Variants in AVEN observed in about 807,000 individuals in gnomAD.
AVEN encodes the protein apoptosis and caspase activation inhibitor, also known as cell death regulator Aven.
In AVEN, 41 loss-of-function variants were observed where a neutral mutation model predicts 38.1. The observed-to-expected ratio is 1.08, with a 90% CI of 0.84 to 1.40. The LOEUF (loss-of-function observed/expected upper bound fraction) is 1.40. Among genes scored for constraint, AVEN ranks in the 40% most tolerant of loss-of-function variants. The pLI is 0.00. For missense variants in AVEN, 605 were observed against 438.8 expected (o/e 1.38, Z -3.38); for synonymous variants, 206 against 171.8 (o/e 1.20, Z -1.56).
downstream of AVEN, chr15:33,865,022 A>ATAAAT: frequency 1.3e-6 from 1 of 753,502 alleles, no homozygotes. Flanking sequence ...TTGGCCTCAT[A>ATAAAT]TAAATTCACA....
At chr15:33,982,099 T>G (rs1461192643) in intron 2 of AVEN, among the ~76,000 whole-genome samples, 1 of 151,812 alleles carries the variant, frequency 6.6e-6, no homozygotes, top group East Asian at 1.9e-4. Context: ...ACTCCTGACC[T>G]CAGATGATCC....
the AVEN span, chr15:33,853,617 C>G: frequency 3.7e-6 from 6 of 1,613,804 alleles, no homozygotes; most frequent in Non-Finnish European, 5.1e-6. Context: ...TGGGTTTGGA[C>G]AAAAATGCTC....
chr15:33,937,062 C>T lies in AVEN; in HGVS notation c.446-61067G>A, dbSNP rs543998151. 9.0e-3 allele frequency among the ~76,000 whole-genome samples: 1,214 copies of T among 135,310 alleles called. 9 individuals are homozygous for T. The highest frequency in any genetic ancestry group is 0.014 in the Non-Finnish European group (941 of 65,114). The allele number at this position is 135,310 out of a possible 152,430, so 88.8% of individuals were successfully genotyped here. On this transcript the variant is annotated intron_variant, in intron 2 of 5. Transcript: ENST00000306730. ...AGGAGAATGGCGTGAACCCAGGAGG[C>T]GGTGCTTGCAGTGAGCCGAGATCGC...
intron 2 of AVEN, among the ~76,000 whole-genome samples, chr15:33,937,306 G>A (rs576238084): frequency 1.3e-5 from 2 of 151,504 alleles, no homozygotes; most frequent in African/African-American, 2.4e-5. Context: ...AGGCCGAGGC[G>A]GGCGGATCAT....
downstream of AVEN, chr15:33,866,208 C>CAAGA (rs960915132): frequency 5.6e-6 from 1 of 179,608 alleles, no homozygotes; most frequent in African/African-American, 2.4e-5. Flanking sequence ...GGGCCCCACA[C>CAAGA]AAGAAAGGAA....
intron 5 of AVEN, among the ~76,000 whole-genome samples, chr15:34,053,950 A>G (rs1193366160): frequency 6.6e-6 from 1 of 152,206 alleles, no homozygotes; most frequent in Non-Finnish European, 1.5e-5. Context: ...GCTAATATCC[A>G]GAATCTACAA....
chr15:33,875,465 A>G (rs1213782756), intron 3 of AVEN, among the ~76,000 whole-genome samples: 1 of 152,208 alleles, frequency 6.6e-6, no homozygotes, highest in Non-Finnish European at 1.5e-5. Context: ...AGACTTCTAT[A>G]ATATTTGCCC....
intron 2 of AVEN, among the ~76,000 whole-genome samples, chr15:33,892,995 G>A (rs554502059): frequency 6.6e-6 from 1 of 152,218 alleles, no homozygotes; most frequent in South Asian, 2.1e-4. Context: ...ATTGTGAATG[G>A]GAGTTCACTC....
At chr15:34,059,823 G>A (rs1900277635) in intron 5 of AVEN, among the ~76,000 whole-genome samples, 1 of 152,176 alleles carries the variant, frequency 6.6e-6, no homozygotes, top group Admixed American at 6.5e-5. Context: ...GTCCTTCACA[G>A]GTGCCCCTAT....
intron 5 of AVEN, among the ~76,000 whole-genome samples, chr15:34,047,194 C>T (rs1899731380): frequency 6.6e-6 from 1 of 151,974 alleles, no homozygotes; most frequent in Admixed American, 6.5e-5. Context: ...TCTCCTGCCT[C>T]AGCCTCCCGA....
downstream of AVEN, among the ~76,000 whole-genome samples, chr15:33,863,669 G>A (rs1032903719): frequency 6.6e-6 from 1 of 152,038 alleles, no homozygotes; most frequent in Non-Finnish European, 1.5e-5. Context: ...CAAAACTATA[G>A]TTCTGGAAGA....
chr15:33,865,820 TGTTCCAGAAGGACA>T (rs1466765719), downstream of AVEN: 6 of 152,762 alleles, frequency 3.9e-5, no homozygotes, highest in African/African-American at 1.2e-4. Context: ...TTTATGTTTG[TGTTCCAGAAGGACA>T]GTTCCATTCA....
chr15:33,921,879 G>A (rs1260651429), intron 2 of AVEN, among the ~76,000 whole-genome samples: 5 of 152,104 alleles, frequency 3.3e-5, no homozygotes, highest in African/African-American at 1.2e-4. Context: ...GAGAGATTGG[G>A]AAAAAATGGT....
downstream of AVEN, among the ~76,000 whole-genome samples, chr15:33,862,473 C>G (rs2088033552): frequency 6.6e-6 from 1 of 152,162 alleles, no homozygotes; most frequent in African/African-American, 2.4e-5. Flanking sequence ...TCCCAGAGTG[C>G]TGGGATTACG....
chr15:34,053,905 G>A (rs987693480), intron 5 of AVEN, among the ~76,000 whole-genome samples: 3 of 152,108 alleles, frequency 2.0e-5, no homozygotes, highest in East Asian at 3.9e-4. Flanking sequence ...TACAGAATGG[G>A]AGAAAAATTT....
intron 3 of AVEN, among the ~76,000 whole-genome samples, chr15:33,873,226 A>G: frequency 1.4e-5 from 2 of 148,124 alleles, no homozygotes; most frequent in East Asian, 4.1e-4. Flanking sequence ...CAGCCTCCCA[A>G]GCAGCTGGGA....
chr15:33,867,988 G>T, intron 4 of AVEN, 133 bp from the exon 5 acceptor site: 1 of 1,277,254 alleles, frequency 7.8e-7, no homozygotes, highest in South Asian at 1.6e-5. Flanking sequence ...TTCACAAAGT[G>T]GCTCCTTTCC....
chr15:34,016,941 C>T (rs910318347), intron 1 of AVEN, among the ~76,000 whole-genome samples: 4 of 152,044 alleles, frequency 2.6e-5, no homozygotes, highest in African/African-American at 9.7e-5. Flanking sequence ...TCAGCCCGGA[C>T]AACATGGCAA....
In AVEN at chr15:33,866,595, G is replaced by A. The variant is rs367811814; in HGVS notation, c.*18C>T. The A allele has an allele frequency of 3.8e-6, 6 of 1,596,754 alleles. No homozygotes were observed. Among genetic ancestry groups the A allele is most frequent in the African/African-American group, 2.7e-5 (2 of 74,518 alleles). On this transcript the variant is annotated 3_prime_UTR_variant, in exon 6 of 6. Transcript: ENST00000306730. Reference sequence around the variant, plus strand: ...AGAAGGCAACCAAGATTTGCTTCAGGCACTTTTTTTCCCCTTTTTAGGAAA... The same window carrying A: ...AGAAGGCAACCAAGATTTGCTTCAGACACTTTTTTTCCCCTTTTTAGGAAA...
Sources: allele counts gnomAD v4.1 joint callset (sites outside exome capture counted in the v4.1 genomes callset), GRCh38; gene constraint gnomAD v4.1.1; transcripts MANE v1.5; gene names NCBI Gene and HGNC (gene_info 2026-07-23, HGNC 2026-07-21).